Variants in ADAP1 observed in about 807,000 individuals in gnomAD.
ADAP1 encodes the protein ArfGAP with dual PH domains 1.
A neutral mutation model predicts 54.9 loss-of-function variants in ADAP1; 31 were observed. The ratio of observed to expected loss-of-function variants is 0.56; its 90% CI spans 0.42 to 0.76. The LOEUF (loss-of-function observed/expected upper bound fraction) is 0.76. Among genes scored for constraint, ADAP1 ranks in the 30% least tolerant of loss-of-function variants. The pLI, the probability that ADAP1 is intolerant of heterozygous loss-of-function variation, is 0.00. For missense variants in ADAP1, 535 were observed against 512.4 expected, an observed-to-expected ratio of 1.04 and a Z score of -0.42; for synonymous variants, 313 against 202.6, an observed-to-expected ratio of 1.55 and a Z score of -4.63.
In ADAP1 at chr7:926,874, C is replaced by G. The variant is rs112843033; in HGVS notation, c.214-230G>C. 4.3e-6 allele frequency: 4 copies of G among 930,020 alleles called. No homozygotes were observed. The highest frequency in any genetic ancestry group is 3.5e-5 in the Admixed American group (1 of 28,388). 57.6% of individuals were successfully genotyped at this position (930,020 alleles called of 1,614,324 possible). On this transcript the variant is annotated intron_variant, in intron 2 of 10. Transcript: ENST00000265846. The surrounding 1 kb of genome is among the most constrained non-coding windows in gnomAD (Gnocchi z 4.6). ...GCCAGCGTCCCTAACGACGGGGTCC[C>G]GGCAAAGGGGGCCCAGGGGCCAGGC...
At chr7:919,930 G>C in intron 4 of ADAP1, 38 bp downstream of exon 4, 3 of 1,554,026 alleles carry the variant, frequency 1.9e-6, no homozygotes, top group East Asian at 2.3e-5. Flanking sequence ...GCCAGGGAGA[G>C]GTAGCCGGGA....
chr7:916,730 AGGCT>A (rs1273661163), intron 4 of ADAP1, among the ~76,000 whole-genome samples: 3 of 152,116 alleles, frequency 2.0e-5, no homozygotes, highest in Non-Finnish European at 2.9e-5. Flanking sequence ...GCGCCTGCAC[AGGCT>A]GGCTGTGTGC....
intron 1 of ADAP1, among the ~76,000 whole-genome samples, chr7:951,372 C>CAA (rs1221252727): frequency 2.1e-4 from 27 of 126,546 alleles, no homozygotes; most frequent in African/African-American, 4.0e-4. Flanking sequence ...GACTCCGTCT[C>CAA]AAAAAAAAAA....
At chr7:908,012 G>A (rs868402477) in intron 4 of ADAP1, among the ~76,000 whole-genome samples, 1 of 152,144 alleles carries the variant, frequency 6.6e-6, no homozygotes, top group Non-Finnish European at 1.5e-5. Flanking sequence ...CTGAGCATCC[G>A]TGGGCCTGTC....
chr7:939,623 G>A (rs1171667316), intron 1 of ADAP1, among the ~76,000 whole-genome samples: 1 of 151,808 alleles, frequency 6.6e-6, no homozygotes, highest in East Asian at 2.0e-4. Context: ...CTGAGGTCAG[G>A]AGTGTGAGAA....
chr7:935,166 G>A lies in ADAP1; in HGVS notation c.213+209C>T, dbSNP rs184252735. On this transcript the variant is annotated intron_variant, in intron 2 of 10. Coordinates refer to ENST00000265846, the MANE Select transcript of ADAP1 (RefSeq NM_006869.4). ...ACACACCTGGAGCTGCTCACAGAGA[G>A]GTTGGACCCGGCACGGGGTGGGTGG... 969 of 725,212 alleles carry A rather than the reference G, an allele frequency of 1.3e-3. 7 individuals carry two copies. In the African/African-American group the frequency reaches 0.014, roughly 10 times the overall value. The allele number at this position is 725,212 out of a possible 1,614,324, so 44.9% of individuals were successfully genotyped here. A position where few individuals can be genotyped will look rare whatever the true frequency, so the allele number is the denominator to read the frequency against.
chr7:907,267 G>A (rs554035757), intron 4 of ADAP1, among the ~76,000 whole-genome samples: 28 of 152,274 alleles, frequency 1.8e-4, no homozygotes, highest in Admixed American at 7.8e-4. Context: ...CACCGTGCAC[G>A]GGTGGTTAGG....
intron 2 of ADAP1, among the ~76,000 whole-genome samples, chr7:931,440 T>C (rs1846573518): frequency 6.6e-6 from 1 of 152,152 alleles, no homozygotes; most frequent in Admixed American, 6.5e-5. Flanking sequence ...GTGATGGGCC[T>C]CGGGGACCTG....
chr7:929,366 A>G (rs1455640995), intron 2 of ADAP1, among the ~76,000 whole-genome samples: 2 of 151,684 alleles, frequency 1.3e-5, no homozygotes, highest in Admixed American at 6.6e-5. Context: ...CACGGTGCCC[A>G]TGGAGGAAAC....
intron 3 of ADAP1, among the ~76,000 whole-genome samples, chr7:924,755 G>A (rs530394916): frequency 1.6e-4 from 25 of 151,884 alleles, no homozygotes; most frequent in African/African-American, 6.0e-4. Flanking sequence ...ACCCATGTCA[G>A]CCCCCGGTCC....
At chr7:913,327 A>C (rs563135426) in intron 4 of ADAP1, among the ~76,000 whole-genome samples, 65 of 150,026 alleles carry the variant, frequency 4.3e-4, no homozygotes, top group African/African-American at 1.5e-3. Flanking sequence ...CAGCCTCCCA[A>C]GTAGCTGGGA....
intron 2 of ADAP1, among the ~76,000 whole-genome samples, chr7:931,579 G>A (rs1562931530): frequency 6.6e-6 from 1 of 152,130 alleles, no homozygotes; most frequent in Non-Finnish European, 1.5e-5. Flanking sequence ...GCGGGGGTAA[G>A]AGCCAAAAGG....
chr7:909,122 G>A (rs1234705296), intron 4 of ADAP1, among the ~76,000 whole-genome samples: 1 of 145,964 alleles, frequency 6.9e-6, no homozygotes, highest in Non-Finnish European at 1.5e-5. Context: ...CGGGAACCCC[G>A]GTCCTCCCGA....
intron 4 of ADAP1, among the ~76,000 whole-genome samples, chr7:916,170 C>T (rs1297119464): frequency 6.6e-6 from 1 of 152,220 alleles, no homozygotes; most frequent in South Asian, 2.1e-4. Context: ...CCACACCTGA[C>T]CTTTCCTGGC....
chr7:919,410 G>A (rs561201104), intron 4 of ADAP1, among the ~76,000 whole-genome samples: 19 of 152,214 alleles, frequency 1.2e-4, no homozygotes, highest in African/African-American at 4.1e-4. Flanking sequence ...GTAGACAGCT[G>A]TGGCGACCCC....
intron 3 of ADAP1, among the ~76,000 whole-genome samples, chr7:925,203 T>C (rs1347679792): frequency 6.6e-6 from 1 of 151,800 alleles, no homozygotes; most frequent in Non-Finnish European, 1.5e-5. Context: ...GAGTCGCTCG[T>C]GGCCTGAACA....
In ADAP1 at chr7:898,435, G is replaced by A. The variant is rs927497931; in HGVS notation, c.*486C>T. 2.8e-5 allele frequency: 6 copies of A among 213,324 alleles called. No individual in the cohort carries two copies. Among genetic ancestry groups the A allele is most frequent in the South Asian group, 1.5e-4 (2 of 13,336 alleles). 13.2% of individuals were successfully genotyped at this position (213,324 alleles called of 1,614,324 possible). A position where few individuals can be genotyped will look rare whatever the true frequency, so the allele number is the denominator to read the frequency against. ...AACACCCCACGGCCCTCATAGCCCC[G>A]TGACACACAACAGGCGCTCAATAAA... On this transcript the variant is annotated 3_prime_UTR_variant, in exon 11 of 11. Coordinates refer to ENST00000265846, the MANE Select transcript of ADAP1 (RefSeq NM_006869.4).
intron 4 of ADAP1, among the ~76,000 whole-genome samples, chr7:908,734 G>A (rs994138552): frequency 1.6e-4 from 24 of 152,238 alleles, no homozygotes; most frequent in Non-Finnish European, 8.8e-5. Flanking sequence ...AAGTGCCCGG[G>A]GAGGCATCGC....
At chr7:909,226 T>A (rs59544799) in intron 4 of ADAP1, among the ~76,000 whole-genome samples, 866 of 20,012 alleles carry the variant, frequency 0.043, 23 homozygotes, top group South Asian at 0.13. Context: ...GGAACCCCGG[T>A]CCTCCCGACA....
Sources: gnomAD v4.1 joint callset for allele counts (sites outside exome capture counted in the v4.1 genomes callset) on GRCh38, gnomAD v4.1.1 for gene constraint, Gnocchi (gnomAD v3.1) non-coding constraint, MANE v1.5 for transcripts, NCBI Gene and HGNC (gene_info 2026-07-23, HGNC 2026-07-21) for gene names.